The following S100A8 variants were observed in gnomAD, a reference collection of about 807,000 sequenced individuals.
S100A8 encodes the protein S100 calcium binding protein A8.
A neutral mutation model predicts 4.2 loss-of-function variants in S100A8; 1 was observed. That is an observed-to-expected ratio of 0.24 (90% confidence interval 0.08 to 1.12). The LOEUF is 1.12. S100A8 is among the 50% of genes most tolerant of loss of function. The pLI is 0.53. For missense variants in S100A8, 96 were observed against 111.8 expected (o/e 0.86, Z 0.64); for synonymous variants, 41 against 44.7 (o/e 0.92, Z 0.33).
chr1:153,401,350 C>A, the S100A8 span, among the ~76,000 whole-genome samples: 2 of 152,072 alleles, frequency 1.3e-5, no homozygotes, highest in Admixed American at 6.5e-5. Flanking sequence ...AGAAAGGGGG[C>A]GGAAATGAAT....
the S100A8 span, among the ~76,000 whole-genome samples, chr1:153,418,891 A>AATCTTG: frequency 6.6e-6 from 1 of 152,166 alleles, no homozygotes. Context: ...CCCCAAGGTC[A>AATCTTG]CTTAACAGAG....
upstream of S100A8, among the ~76,000 whole-genome samples, chr1:153,395,954 C>T (rs932995980): frequency 5.3e-5 from 8 of 152,348 alleles, no homozygotes; most frequent in Non-Finnish European, 1.0e-4. Flanking sequence ...GGGATGCTGT[C>T]GGAGCGGCAT....
At chr1:153,392,345 G>C (rs570669695), upstream of S100A8, among the ~76,000 whole-genome samples, 1 of 152,220 alleles carries the variant, frequency 6.6e-6, no homozygotes, top group Non-Finnish European at 1.5e-5. Context: ...ACAAGTGTTG[G>C]TGAGGGCATA....
the S100A8 span, among the ~76,000 whole-genome samples, chr1:153,396,178 T>A: frequency 6.6e-6 from 1 of 152,228 alleles, no homozygotes. Flanking sequence ...AGGAATAAGC[T>A]GTGTCTCCTC....
the S100A8 span, among the ~76,000 whole-genome samples, chr1:153,403,226 TG>T: frequency 1.3e-5 from 2 of 152,244 alleles, no homozygotes; most frequent in Non-Finnish European, 2.9e-5. Flanking sequence ...AGCTCTTATG[TG>T]TAGGGCTGTG....
At chr1:153,391,980 G>C (rs188543697), upstream of S100A8, among the ~76,000 whole-genome samples, 1 of 152,254 alleles carries the variant, frequency 6.6e-6, no homozygotes, top group African/African-American at 2.4e-5. Flanking sequence ...AGGATTTCAG[G>C]AGGAACAAAT....
At chr1:153,394,397 G>A (rs1056703566), upstream of S100A8, among the ~76,000 whole-genome samples, 2 of 152,170 alleles carry the variant, frequency 1.3e-5, no homozygotes, top group Admixed American at 6.5e-5. Context: ...TAACTCAGGC[G>A]ATGGTCTTCA....
chr1:153,390,725 G>A, intron 1 of S100A8, 168 bp from the exon 2 acceptor site: 2 of 810,550 alleles, frequency 2.5e-6, no homozygotes, highest in Admixed American at 2.8e-5. Flanking sequence ...GGGATGATAG[G>A]GATACACGTG....
chr1:153,416,559 T>G, the S100A8 span: 2 of 486,462 alleles, frequency 4.1e-6, no homozygotes, highest in Non-Finnish European at 8.2e-6. Flanking sequence ...CACTTCCCAG[T>G]TCTGGTAAGT....
chr1:153,419,350 T>C, the S100A8 span: 1 of 1,584,640 alleles, frequency 6.3e-7, no homozygotes, highest in Non-Finnish European at 8.6e-7. Context: ...CCAGGAACAA[T>C]AAGTGTCTCC....
chr1:153,416,587 A>G, the S100A8 span: 8 of 472,082 alleles, frequency 1.7e-5, no homozygotes, highest in Admixed American at 4.9e-5. Context: ...GCCTCTTTGC[A>G]TTTTCTAGAA....
At chr1:153,404,436 C>G in the S100A8 span, among the ~76,000 whole-genome samples, 354 of 152,200 alleles carry the variant, frequency 2.3e-3, 2 homozygotes, top group African/African-American at 8.1e-3. Flanking sequence ...CTCATTAGCA[C>G]ACACTCAGCA....
the S100A8 span, among the ~76,000 whole-genome samples, chr1:153,417,567 T>C: frequency 6.6e-6 from 1 of 152,186 alleles, no homozygotes; most frequent in Non-Finnish European, 1.5e-5. Flanking sequence ...ATGCAGGGCT[T>C]GCACTTGAGT....
upstream of S100A8, among the ~76,000 whole-genome samples, chr1:153,394,815 G>T (rs991269148): frequency 7.2e-5 from 11 of 152,242 alleles, no homozygotes; most frequent in South Asian, 2.1e-4. Context: ...AGGACCAGGT[G>T]GGGAGGGAAC....
the S100A8 span, among the ~76,000 whole-genome samples, chr1:153,411,621 G>GA: frequency 2.0e-5 from 3 of 152,190 alleles, no homozygotes; most frequent in Admixed American, 2.0e-4. Context: ...ACAGAATTGG[G>GA]AAAAAACTAC....
upstream of S100A8, among the ~76,000 whole-genome samples, chr1:153,395,116 C>T (rs1042881050): frequency 1.5e-4 from 23 of 152,194 alleles, no homozygotes; most frequent in African/African-American, 4.8e-4. Flanking sequence ...TCAGGGATAC[C>T]GGAGGACTCA....
the S100A8 span, among the ~76,000 whole-genome samples, chr1:153,413,112 A>G: frequency 6.6e-6 from 1 of 152,218 alleles, no homozygotes; most frequent in Non-Finnish European, 1.5e-5. Flanking sequence ...GTGCACATGT[A>G]CCCTAGAACT....
At chr1:153,397,987 G>A in the S100A8 span, among the ~76,000 whole-genome samples, 4 of 152,186 alleles carry the variant, frequency 2.6e-5, no homozygotes, top group Non-Finnish European at 5.9e-5. Flanking sequence ...CTGGAAACAG[G>A]ACCACCAACA....
At chr1:153,404,273 T>C in the S100A8 span, among the ~76,000 whole-genome samples, 3 of 152,140 alleles carry the variant, frequency 2.0e-5, no homozygotes, top group African/African-American at 7.2e-5. Context: ...GCATAGTTGA[T>C]TAAATAATTG....
Sources: gnomAD v4.1 joint callset for allele counts (sites outside exome capture counted in the v4.1 genomes callset) on GRCh38, gnomAD v4.1.1 for gene constraint, MANE v1.5 for transcripts, NCBI Gene and HGNC (gene_info 2026-07-23, HGNC 2026-07-21) for gene names.